COPB1: variants seen among roughly 807,000 people sequenced by gnomAD.
COPB1 encodes the protein coatomer subunit beta.
COPB1 carries 21 observed loss-of-function variants against 108.7 expected under a neutral mutation model. The observed-to-expected ratio is 0.19, with a 90% CI of 0.14 to 0.28. The LOEUF (loss-of-function observed/expected upper bound fraction) is 0.28, where lower values mean the gene tolerates loss of function less well. Among genes scored for constraint, COPB1 ranks in the 10% least tolerant of loss-of-function variants. COPB1 has a pLI of 1.00. For synonymous variants in COPB1, 378 were observed against 386.8 expected, an observed-to-expected ratio of 0.98 and a Z score of 0.27; for missense variants, 919 against 1,141.3, an observed-to-expected ratio of 0.81 and a Z score of 2.81.
At chr11:14,495,114 T>C (rs1199278427) in intron 2 of COPB1, among the ~76,000 whole-genome samples, 1 of 152,230 alleles carries the variant, frequency 6.6e-6, no homozygotes, top group Non-Finnish European at 1.5e-5. Flanking sequence ...TTTACTGTTA[T>C]TTAGCCTAAA....
chr11:14,461,985 T>C (rs984556780), intron 18 of COPB1, among the ~76,000 whole-genome samples: 4 of 152,182 alleles, frequency 2.6e-5, no homozygotes, highest in African/African-American at 4.8e-5. Context: ...ATAAATGCTA[T>C]GTAAATAGTT....
intron 2 of COPB1, among the ~76,000 whole-genome samples, chr11:14,497,554 G>C (rs1459017811): frequency 6.6e-6 from 1 of 152,136 alleles, no homozygotes; most frequent in East Asian, 1.9e-4. Flanking sequence ...ATGCTGGAGA[G>C]GATGTGGAGA....
chr11:14,490,399 G>T (rs1441145255), intron 5 of COPB1, among the ~76,000 whole-genome samples, 166 bp downstream of exon 5: 2 of 151,946 alleles, frequency 1.3e-5, no homozygotes, highest in African/African-American at 4.8e-5. Flanking sequence ...TTTTAGAGAA[G>T]GGTTAAGAAA....
chr11:14,461,143 G>C (rs769671425), intron 19 of COPB1, 43 bp downstream of exon 19: 2 of 1,612,388 alleles, frequency 1.2e-6, no homozygotes, highest in South Asian at 1.1e-5. Flanking sequence ...CAGGCAAAAG[G>C]AAGAAAGATA....
At chr11:14,485,094 G>A (rs1158875509) in intron 7 of COPB1, among the ~76,000 whole-genome samples, 1 of 152,102 alleles carries the variant, frequency 6.6e-6, no homozygotes, top group African/African-American at 2.4e-5. Context: ...TTGAACTCCT[G>A]GGCTCAAGCT....
chr11:14,487,673 C>CA (rs907185827), intron 6 of COPB1, among the ~76,000 whole-genome samples: 18 of 136,172 alleles, frequency 1.3e-4, no homozygotes, highest in East Asian at 4.3e-4. Flanking sequence ...AGACTCTGCC[C>CA]AAAAAAAACA....
Position 14,461,187 on chromosome 11 carries a change from T to C in COPB1, c.2555A>G (p.Lys852Arg). ...TGAGAAAATCTCCCAAGGACTAACT[T>C]TGTTTTCCCATTCAAATTCGGCCCA... Reference protein sequence around the residue: ...QMWAEFEWENKVTVNTNMVDL... With the variant: ...QMWAEFEWENRVTVNTNMVDL... Residue 852 changes from lysine to arginine, a missense_variant and splice_region_variant, in exon 19 of 22, where the codon AAA becomes AGA. Lys to Arg is a conservative substitution (Grantham distance 26). Coordinates refer to ENST00000439561, the MANE Select transcript of COPB1 (RefSeq NM_001144061.2). 6.2e-7 allele frequency: 1 copy of C among 1,614,086 alleles called. No homozygotes were observed. The highest frequency in any genetic ancestry group is 8.5e-7 in the Non-Finnish European group (1 of 1,180,006).
chr11:14,460,240 A>G lies in COPB1; in HGVS notation c.2614T>C (p.Ser872Pro), dbSNP rs765960575. The change falls in exon 20 of 22, where the codon TCA (serine) becomes CCA (proline). Residue 872 changes from serine to proline, a missense_variant. Coordinates refer to ENST00000439561, the MANE Select transcript of COPB1 (RefSeq NM_001144061.2). Reference sequence around the variant, plus strand: ...GGAGTCAGGCATTTCATATTGGTTGACTTTAATATGTGCTGTAAGTAGTCA... The same window carrying G: ...GGAGTCAGGCATTTCATATTGGTTGGCTTTAATATGTGCTGTAAGTAGTCA... ...LNDYLQHILK[S>P]TNMKCLTPEK... 6.2e-7 allele frequency: 1 copy of G among 1,612,212 alleles called. No individual in the cohort carries two copies. The highest frequency in any genetic ancestry group is 1.1e-5 in the South Asian group (1 of 90,914).
intron 2 of COPB1, 127 bp downstream of exon 2, chr11:14,498,711 G>A: frequency 3.0e-6 from 2 of 676,106 alleles, no homozygotes; most frequent in Non-Finnish European, 4.7e-6. Context: ...AAGGTCTATC[G>A]AAGAGATCCT....
intron 18 of COPB1, among the ~76,000 whole-genome samples, chr11:14,462,381 T>C (rs1354451036): frequency 6.6e-6 from 1 of 152,028 alleles, no homozygotes; most frequent in Non-Finnish European, 1.5e-5. Context: ...CACAGGCGCC[T>C]GCCACCGCGC....
intron 11 of COPB1, among the ~76,000 whole-genome samples, chr11:14,478,317 G>A (rs535058960): frequency 1.3e-5 from 2 of 151,420 alleles, no homozygotes; most frequent in African/African-American, 4.8e-5. Flanking sequence ...GCTCACACCT[G>A]TAATCTCAGC....
intron 11 of COPB1, 65 bp from the exon 12 acceptor site, chr11:14,477,080 T>C: frequency 2.6e-6 from 3 of 1,158,882 alleles, no homozygotes; most frequent in Non-Finnish European, 3.9e-6. Context: ...GATCTTTCTT[T>C]GTTAATTTAA....
At position 14,490,680 on chromosome 11, in the gene COPB1, C is replaced by T; in HGVS notation, c.492-1G>A. 6.4e-7 allele frequency: 1 copy of T among 1,574,432 alleles called. No individual in the cohort carries two copies. The highest frequency in any genetic ancestry group is 8.7e-7 in the Non-Finnish European group (1 of 1,150,798). ...ATCAGGTATAAGATGTTCAAAATTT[C>T]TTTAAATAAAACAGGTAACATCCAT... On this transcript the variant is annotated splice_acceptor_variant, in intron 4 of 21. Coordinates refer to ENST00000439561, the MANE Select transcript of COPB1 (RefSeq NM_001144061.2). LOFTEE classifies it high-confidence loss of function.
intron 7 of COPB1, among the ~76,000 whole-genome samples, chr11:14,484,116 AC>A (rs1223164448): frequency 6.6e-6 from 1 of 152,158 alleles, no homozygotes; most frequent in Non-Finnish European, 1.5e-5. Context: ...CATCAGACAA[AC>A]CCAAGTTACG....
intron 15 of COPB1, 59 bp downstream of exon 15, chr11:14,469,277 G>A (rs1029148895): frequency 2.9e-5 from 40 of 1,388,210 alleles, no homozygotes; most frequent in Middle Eastern, 1.8e-4. Context: ...GATTACAGGC[G>A]TGAGCCACTG....
chr11:14,466,182 G>T, intron 17 of COPB1, 100 bp downstream of exon 17: 2 of 1,159,130 alleles, frequency 1.7e-6, no homozygotes, highest in Non-Finnish European at 2.4e-6. Context: ...GTCAGAAAAG[G>T]TTCAAGAGAA....
intron 5 of COPB1, among the ~76,000 whole-genome samples, chr11:14,489,021 T>C (rs1039877714): frequency 8.5e-5 from 13 of 152,194 alleles, no homozygotes; most frequent in Non-Finnish European, 1.5e-4. Flanking sequence ...TAAATTTTAT[T>C]GGACTATTTC....
intron 10 of COPB1, 21 bp from the exon 11 acceptor site, chr11:14,479,735 A>G: frequency 6.5e-7 from 1 of 1,548,034 alleles, no homozygotes; most frequent in East Asian, 2.3e-5. Flanking sequence ...AAAAAAAAAA[A>G]GAAAATGGAA....
In COPB1 at chr11:14,483,040, C is replaced by A; in HGVS notation, c.949G>T (p.Val317Leu). Residue 317 changes from valine (V) to leucine (L), a missense_variant, in exon 8 of 22, where the codon GTA (valine) becomes TTA (leucine). Around this residue, in one of 5 missense-constraint regions of COPB1, gnomAD observed 705 missense variants for 817.8 expected, o/e 0.86. Coordinates refer to ENST00000439561, the MANE Select transcript of COPB1 (RefSeq NM_001144061.2). ...ELKEHPAHER[V>L]LQDLVMDILR... ...TTTCAGATAACACTTACCTGTAGTA[C>A]TCGTTCATGAGCAGGATGCTCTTTT... is the stretch of plus-strand genomic sequence containing the variant. The A allele has an allele frequency of 6.4e-7, 1 of 1,566,714 alleles. No individual in the cohort carries two copies. Among genetic ancestry groups the A allele is most frequent in the Non-Finnish European group, 8.7e-7 (1 of 1,145,886 alleles).
Sources: gnomAD v4.1 joint callset for allele counts (sites outside exome capture counted in the v4.1 genomes callset) on GRCh38, gnomAD v4.1.1 for gene constraint, gnomAD v4.1.1 regional missense constraint, MANE v1.5 for transcripts, NCBI Gene and HGNC (gene_info 2026-07-23, HGNC 2026-07-21) for gene names.